The following CDH2 variants were observed in gnomAD, a reference collection of about 807,000 sequenced individuals.
CDH2 encodes cadherin-2.
A neutral mutation model predicts 92.0 loss-of-function variants in CDH2; 17 were observed. The ratio of observed to expected loss-of-function variants is 0.18; its 90% CI spans 0.13 to 0.28. The LOEUF is 0.28. CDH2 is among the 10% of genes least tolerant of loss of function. The pLI is 1.00. For missense variants in CDH2, 862 were observed against 1,133.1 expected, an observed-to-expected ratio of 0.76 and a Z score of 3.44; for synonymous variants, 419 against 415.9, an observed-to-expected ratio of 1.01 and a Z score of -0.09.
intron 2 of CDH2, among the ~76,000 whole-genome samples, chr18:28,043,515 T>TAA (rs2014004738): frequency 4.5e-5 from 6 of 134,406 alleles, no homozygotes; most frequent in South Asian, 4.7e-4. Context: ...TATATATATA[T>TAA]AAACAGGTTT....
chr18:28,110,912 C>T (rs1290049665), intron 2 of CDH2, among the ~76,000 whole-genome samples: 4 of 152,020 alleles, frequency 2.6e-5, no homozygotes, highest in African/African-American at 7.2e-5. Context: ...ACGCTCTCTC[C>T]GGGGTCCACT....
At chr18:28,139,367 C>G (rs2015916338) in intron 2 of CDH2, among the ~76,000 whole-genome samples, 1 of 151,924 alleles carries the variant, frequency 6.6e-6, no homozygotes, top group South Asian at 2.1e-4. Flanking sequence ...AACAAATGGC[C>G]TCAGTTGACC....
intron 6 of CDH2, among the ~76,000 whole-genome samples, chr18:27,942,360 T>C (rs1157897988): frequency 6.6e-6 from 1 of 152,226 alleles, no homozygotes; most frequent in Non-Finnish European, 1.5e-5. Context: ...TTCCTAATAA[T>C]AGATAACAAT....
chr18:28,009,950 A>G lies in CDH2; in HGVS notation c.547-78T>C. ...TCAGAGATGGGGCACATCACACTTC[A>G]TGCCCTTTTTCAGCTACAAACTTAT... is the stretch of plus-strand genomic sequence containing the variant. On this transcript the variant is annotated intron_variant, in intron 4 of 15. Transcript: ENST00000269141. 3 of 1,157,774 alleles carry G rather than the reference A, an allele frequency of 2.6e-6. No homozygotes were observed. The East Asian group carries it at 7.7e-5, about 30-fold the overall frequency. The allele number at this position is 1,157,774 out of a possible 1,614,324, so 71.7% of individuals were successfully genotyped here.
chr18:28,100,652 A>T (rs1202715219), intron 2 of CDH2, among the ~76,000 whole-genome samples: 1 of 151,522 alleles, frequency 6.6e-6, no homozygotes, highest in Non-Finnish European at 1.5e-5. Context: ...TGTATGGCAC[A>T]GTTTACCTGT....
At position 28,177,077 on chromosome 18, in the gene CDH2, G is replaced by A; in HGVS notation, c.-55C>T. On this transcript the variant is annotated 5_prime_UTR_variant, in exon 1 of 16. Coordinates refer to ENST00000269141, the MANE Select transcript of CDH2 (RefSeq NM_001792.5). Reference sequence around the variant, plus strand: ...GGAGGAGGCGGCGGCGGCGGCGGCGGCGGCGGAGGAGGAGGAGGCAGCGGC... The same window carrying A: ...GGAGGAGGCGGCGGCGGCGGCGGCGACGGCGGAGGAGGAGGAGGCAGCGGC... 1.5e-6 allele frequency: 2 copies of A among 1,363,134 alleles called. No individual in the cohort carries two copies. The highest frequency in any genetic ancestry group is 2.0e-6 in the Non-Finnish European group (2 of 1,013,066). 84.4% of individuals were successfully genotyped at this position (1,363,134 alleles called of 1,614,324 possible). A position where few individuals can be genotyped will look rare whatever the true frequency, so the allele number is the denominator to read the frequency against.
At chr18:27,949,291 T>C (rs8090315), downstream of CDH2, among the ~76,000 whole-genome samples, 46,241 of 151,796 alleles carry the variant, frequency 0.3, 7,327 homozygotes, top group South Asian at 0.39. Context: ...TGCTAAAACA[T>C]TTATTATTTC....
chr18:27,965,756 G>A (rs563645126), intron 14 of CDH2, among the ~76,000 whole-genome samples: 12 of 151,970 alleles, frequency 7.9e-5, no homozygotes, highest in Admixed American at 7.2e-4. Flanking sequence ...AGGCCAAGGC[G>A]GGTAGATCAT....
intron 2 of CDH2, among the ~76,000 whole-genome samples, chr18:28,093,430 C>A (rs966724172): frequency 5.3e-5 from 8 of 152,018 alleles, no homozygotes; most frequent in Admixed American, 3.3e-4. Context: ...TTTTAAAATT[C>A]TGGGAATCAA....
rs147788216 is a variant in CDH2 at position 28,043,084 on chromosome 18, GAT to G, written c.173-29177_173-29176del. Among the ~76,000 whole-genome samples, 759 of 152,094 alleles carry G rather than the reference GAT, an allele frequency of 5.0e-3. 7 individuals are homozygous for G. The highest frequency in any genetic ancestry group is 0.017 in the African/African-American group (723 of 41,506). On this transcript the variant is annotated intron_variant, in intron 2 of 15. Coordinates refer to ENST00000269141, the MANE Select transcript of CDH2 (RefSeq NM_001792.5). ...AAGAAATCAACTATTTGTTGGCTGTGATATATATATACACCATGGAATACTAC... is the reference window on the plus strand; with the variant it reads ...AAGAAATCAACTATTTGTTGGCTGTGATATATATACACCATGGAATACTAC...
chr18:28,042,282 C>T (rs1048809781), intron 2 of CDH2, among the ~76,000 whole-genome samples: 1 of 152,048 alleles, frequency 6.6e-6, no homozygotes, highest in African/African-American at 2.4e-5. Context: ...AGGGAAATAA[C>T]GTTTTATTAC....
intron 1 of CDH2, among the ~76,000 whole-genome samples, chr18:28,173,891 C>G (rs1178618498): frequency 6.6e-6 from 1 of 152,032 alleles, no homozygotes; most frequent in Non-Finnish European, 1.5e-5. Flanking sequence ...CTAGTTATAA[C>G]TTTGTGATAT....
At chr18:28,007,014 A>C (rs1599028341) in intron 5 of CDH2, among the ~76,000 whole-genome samples, 1 of 151,276 alleles carries the variant, frequency 6.6e-6, no homozygotes, top group African/African-American at 2.4e-5. Flanking sequence ...TCTACTAAAA[A>C]TACAAAAAAT....
At chr18:27,963,564 A>AAGAT (rs746901388) in intron 14 of CDH2, 43 bp from the exon 15 acceptor site, 70 of 1,585,042 alleles carry the variant, frequency 4.4e-5, no homozygotes, top group Non-Finnish European at 5.5e-5. Context: ...GATGGGCACA[A>AAGAT]AGATAGAAAA....
chr18:27,947,220 A>C (rs1909290018), downstream of CDH2, among the ~76,000 whole-genome samples: 1 of 151,846 alleles, frequency 6.6e-6, no homozygotes, highest in African/African-American at 2.4e-5. Context: ...GGAGAAATAA[A>C]AGTTGATAAA....
chr18:27,946,997 A>G (rs1443716148), downstream of CDH2, among the ~76,000 whole-genome samples: 1 of 151,924 alleles, frequency 6.6e-6, no homozygotes, highest in African/African-American at 2.4e-5. Context: ...CATAATCGTG[A>G]AACATACAAA....
intron 2 of CDH2, among the ~76,000 whole-genome samples, chr18:28,116,382 AT>A (rs1351969452): frequency 6.6e-6 from 1 of 152,166 alleles, no homozygotes; most frequent in East Asian, 1.9e-4. Flanking sequence ...TTTTTGAATC[AT>A]GTTTTAAATT....
At chr18:28,160,982 C>G (rs2016298281) in intron 1 of CDH2, among the ~76,000 whole-genome samples, 1 of 152,170 alleles carries the variant, frequency 6.6e-6, no homozygotes, top group African/African-American at 2.4e-5. Flanking sequence ...TTTTTCTCAT[C>G]TAGCATATTC....
intron 2 of CDH2, among the ~76,000 whole-genome samples, chr18:28,125,220 G>A (rs1450921228): frequency 1.3e-5 from 2 of 152,186 alleles, no homozygotes; most frequent in African/African-American, 4.8e-5. Context: ...GTCAAGAACT[G>A]TAAATTGAAC....
Sources: gnomAD v4.1 joint callset for allele counts (sites outside exome capture counted in the v4.1 genomes callset) on GRCh38, gnomAD v4.1.1 for gene constraint, MANE v1.5 for transcripts, NCBI Gene and HGNC (gene_info 2026-07-23, HGNC 2026-07-21) for gene names.